The following B3GALT1 variants were observed in gnomAD, a reference collection of about 807,000 sequenced individuals.
B3GALT1 encodes UDP-Gal:betaGlcNAc beta 1,3-galactosyltransferase, polypeptide 1.
In B3GALT1, 10 loss-of-function variants were observed where a neutral mutation model predicts 23.2. The ratio of observed to expected loss-of-function variants is 0.43; its 90% CI spans 0.27 to 0.73. The LOEUF is 0.73. Ranked by LOEUF, B3GALT1 falls within the 30% of genes least tolerant of loss-of-function variation. The pLI is 0.21. For synonymous variants in B3GALT1, 156 were observed against 141.5 expected (o/e 1.10, Z -0.73); for missense variants, 299 against 405.4 (o/e 0.74, Z 2.25).
chr2:167,384,274 GA>G (rs917148607), intron 1 of B3GALT1, among the ~76,000 whole-genome samples: 18 of 152,066 alleles, frequency 1.2e-4, no homozygotes, highest in African/African-American at 4.3e-4. Context: ...TAAAGATAAG[GA>G]ACTCTACTAG....
chr2:167,517,426 AT>A (rs756437638), intron 2 of B3GALT1, among the ~76,000 whole-genome samples: 32 of 152,102 alleles, frequency 2.1e-4, no homozygotes, highest in Non-Finnish European at 4.0e-4. Flanking sequence ...GTTAAAAAAA[AT>A]AGCAACTATT....
At chr2:167,707,256 T>C (rs889269210) in intron 3 of B3GALT1, among the ~76,000 whole-genome samples, 2 of 152,220 alleles carry the variant, frequency 1.3e-5, no homozygotes, top group African/African-American at 4.8e-5. Flanking sequence ...ATTATAGGTT[T>C]CCAGGCAAAA....
intron 1 of B3GALT1, among the ~76,000 whole-genome samples, chr2:167,372,322 C>T (rs180674108): frequency 6.6e-6 from 1 of 152,060 alleles, no homozygotes; most frequent in African/African-American, 2.4e-5. Flanking sequence ...TTTCATAAAA[C>T]TGTCAGAAAA....
chr2:167,357,927 AAG>A (rs1697440574), intron 1 of B3GALT1, among the ~76,000 whole-genome samples: 2 of 152,224 alleles, frequency 1.3e-5, no homozygotes, highest in Non-Finnish European at 2.9e-5. Context: ...ATATCAAACT[AAG>A]AGCATTTTGA....
chr2:167,549,785 A>C (rs1340265859), intron 2 of B3GALT1, among the ~76,000 whole-genome samples: 1 of 152,194 alleles, frequency 6.6e-6, no homozygotes, highest in Admixed American at 6.5e-5. Context: ...GTTAGCATCA[A>C]ATATTACCAT....
chr2:167,735,934 G>A (rs903974542), intron 3 of B3GALT1, among the ~76,000 whole-genome samples: 7 of 152,136 alleles, frequency 4.6e-5, no homozygotes, highest in Non-Finnish European at 7.4e-5. Flanking sequence ...ATGAGGAGGA[G>A]GAAGAATGTT....
At chr2:167,752,245 T>G (rs1687749216) in intron 3 of B3GALT1, among the ~76,000 whole-genome samples, 1 of 152,184 alleles carries the variant, frequency 6.6e-6, no homozygotes. Flanking sequence ...GTTAGAGTGA[T>G]GTAGACTATT....
chr2:167,802,801 T>C (rs10930287), intron 3 of B3GALT1, among the ~76,000 whole-genome samples: 39,468 of 152,030 alleles, frequency 0.26, 5,761 homozygotes, highest in African/African-American at 0.38. Context: ...TCTTTCTTAA[T>C]GTTTAAAATG....
intron 2 of B3GALT1, among the ~76,000 whole-genome samples, chr2:167,531,911 A>G (rs137898984): frequency 3.3e-5 from 5 of 152,150 alleles, no homozygotes; most frequent in African/African-American, 1.2e-4. Context: ...AAACATTTAA[A>G]TTATTTTTTG....
At chr2:167,664,900 G>A (rs111802811) in intron 3 of B3GALT1, among the ~76,000 whole-genome samples, 27,701 of 146,518 alleles carry the variant, frequency 0.19, 2,550 homozygotes, top group Non-Finnish European at 0.23. Flanking sequence ...CAATCATGTC[G>A]TCTGCAAACA....
At chr2:167,754,804 C>G (rs1040646743) in intron 3 of B3GALT1, among the ~76,000 whole-genome samples, 1 of 152,090 alleles carries the variant, frequency 6.6e-6, no homozygotes, top group African/African-American at 2.4e-5. Flanking sequence ...GTTACAAAGA[C>G]CAAGGCTACT....
chr2:167,809,572 A>G (rs1293837227), intron 3 of B3GALT1, among the ~76,000 whole-genome samples: 1 of 152,228 alleles, frequency 6.6e-6, no homozygotes, highest in Non-Finnish European at 1.5e-5. Flanking sequence ...TTGCCTGGGT[A>G]TCAGCAGCAG....
chr2:167,494,367 A>G (rs1699750092), intron 2 of B3GALT1, among the ~76,000 whole-genome samples: 1 of 151,990 alleles, frequency 6.6e-6, no homozygotes, highest in Non-Finnish European at 1.5e-5. Context: ...TATGATATTT[A>G]TATTTTAGGG....
chr2:167,336,727 A>G (rs1397669117), intron 1 of B3GALT1, among the ~76,000 whole-genome samples: 1 of 152,112 alleles, frequency 6.6e-6, no homozygotes, highest in Non-Finnish European at 1.5e-5. Flanking sequence ...CAGTAGATGT[A>G]GTATTTTATT....
chr2:167,437,894 A>T (rs146649289), intron 1 of B3GALT1, among the ~76,000 whole-genome samples: 6 of 152,220 alleles, frequency 3.9e-5, no homozygotes, highest in African/African-American at 1.4e-4. Context: ...TATCTGATCT[A>T]TAATGGCCAC....
chr2:167,492,694 A>T (rs1337005929), intron 2 of B3GALT1, among the ~76,000 whole-genome samples: 1 of 152,142 alleles, frequency 6.6e-6, no homozygotes, highest in Non-Finnish European at 1.5e-5. Flanking sequence ...GTGGTTTTTC[A>T]TGGTCTCATG....
In B3GALT1 at chr2:167,874,011, A is replaced by T. The variant is rs897775293; in HGVS notation, c.*3991A>T. The T allele has an allele frequency of 1.3e-5, 2 of 152,240 alleles. No individual in the cohort carries two copies. Among genetic ancestry groups the T allele is most frequent in the Non-Finnish European group, 2.9e-5 (2 of 68,032 alleles). 9.4% of individuals were successfully genotyped at this position (152,240 alleles called of 1,614,324 possible). On this transcript the variant is annotated 3_prime_UTR_variant, in exon 5 of 5. Coordinates refer to ENST00000392690, the MANE Select transcript of B3GALT1 (RefSeq NM_020981.4). ...ATGGTTCCATAAAGCTGATTTTTTT[A>T]AACCATTGGGACAAATAAACAGAAG... is the stretch of plus-strand genomic sequence containing the variant.
intron 2 of B3GALT1, among the ~76,000 whole-genome samples, chr2:167,604,175 G>A (rs75019962): frequency 0.012 from 1,779 of 152,072 alleles, 39 homozygotes; most frequent in African/African-American, 0.04. Flanking sequence ...TAAATTGATC[G>A]TGGCCTCTTT....
chr2:167,446,765 A>G (rs1389526378), intron 1 of B3GALT1, among the ~76,000 whole-genome samples: 1 of 152,180 alleles, frequency 6.6e-6, no homozygotes, highest in Non-Finnish European at 1.5e-5. Context: ...CCATTTGTCT[A>G]ATCTCTTCTC....
Sources: gnomAD v4.1 joint callset for allele counts (sites outside exome capture counted in the v4.1 genomes callset) on GRCh38, gnomAD v4.1.1 for gene constraint, MANE v1.5 for transcripts, NCBI Gene and HGNC (gene_info 2026-07-23, HGNC 2026-07-21) for gene names.